Variants in ZNF804B observed in about 807,000 individuals in gnomAD.
ZNF804B encodes zinc finger 804B.
A neutral mutation model predicts 101.4 loss-of-function variants in ZNF804B; 80 were observed. The observed-to-expected ratio is 0.79, with a 90% CI of 0.66 to 0.95. The LOEUF is 0.95. ZNF804B is among the 40% of genes least tolerant of loss of function. The pLI is 0.00. For synonymous variants in ZNF804B, 622 were observed against 558.8 expected (o/e 1.11, Z -1.59); for missense variants, 1,673 against 1,561.9 (o/e 1.07, Z -1.20).
At chr7:88,973,687 A>G (rs894404020) in intron 1 of ZNF804B, among the ~76,000 whole-genome samples, 6 of 151,288 alleles carry the variant, frequency 4.0e-5, no homozygotes, top group Non-Finnish European at 8.9e-5. Flanking sequence ...ATCTTGGGAG[A>G]AAAGGTGTAT....
At chr7:89,276,363 A>C (rs1356658821) in intron 2 of ZNF804B, among the ~76,000 whole-genome samples, 1 of 151,696 alleles carries the variant, frequency 6.6e-6, no homozygotes, top group Non-Finnish European at 1.5e-5. Flanking sequence ...TAGGTAAAAG[A>C]CCCCTTGGAT....
chr7:88,897,197 A>G (rs1014714743), intron 1 of ZNF804B, among the ~76,000 whole-genome samples: 1 of 152,164 alleles, frequency 6.6e-6, no homozygotes, highest in Non-Finnish European at 1.5e-5. Flanking sequence ...TAAGTTAAGG[A>G]TCTTAAAATG....
intron 2 of ZNF804B, among the ~76,000 whole-genome samples, chr7:89,222,429 A>G (rs1584065994): frequency 6.6e-6 from 1 of 151,942 alleles, no homozygotes; most frequent in Non-Finnish European, 1.5e-5. Context: ...ATGACCAGAT[A>G]AGTCTTTTCA....
intron 1 of ZNF804B, among the ~76,000 whole-genome samples, chr7:88,815,150 G>C (rs982145189): frequency 6.8e-6 from 1 of 146,938 alleles, no homozygotes; most frequent in East Asian, 2.0e-4. Context: ...TACAATAAAA[G>C]AATATTCTAA....
intron 1 of ZNF804B, among the ~76,000 whole-genome samples, chr7:89,072,571 CTCTTT>C (rs1381250888): frequency 5.3e-5 from 8 of 152,050 alleles, no homozygotes; most frequent in African/African-American, 1.9e-4. Flanking sequence ...ATCATGTACT[CTCTTT>C]TGGAGTATAT....
chr7:88,792,050 C>T (rs1790389957), intron 1 of ZNF804B, among the ~76,000 whole-genome samples: 1 of 152,068 alleles, frequency 6.6e-6, no homozygotes, highest in African/African-American at 2.4e-5. Flanking sequence ...TCTGAAATTG[C>T]TGGATTGCTC....
intron 2 of ZNF804B, among the ~76,000 whole-genome samples, chr7:89,237,455 G>A (rs1789301744): frequency 6.6e-6 from 1 of 152,144 alleles, no homozygotes; most frequent in Admixed American, 6.6e-5. Flanking sequence ...ACTTGAAAAT[G>A]TTGATGTGAT....
intron 1 of ZNF804B, among the ~76,000 whole-genome samples, chr7:88,965,878 A>G (rs956372756): frequency 3.3e-5 from 5 of 151,664 alleles, no homozygotes; most frequent in Admixed American, 3.3e-4. Context: ...GTCTTTAAAA[A>G]GTGCATAATC....
In ZNF804B at chr7:89,334,711, A is replaced by G; in HGVS notation, c.1729A>G (p.Asn577Asp). The G allele has an allele frequency of 6.2e-7, 1 of 1,613,746 alleles. No individual in the cohort carries two copies. The highest frequency in any genetic ancestry group is 8.5e-7 in the Non-Finnish European group (1 of 1,179,826). Reference sequence around the variant, plus strand: ...CAGTGCAAATGATTTGGAAATGAAAAATCCTAAAGTGCCTCTTTACCTCAA... The same window carrying G: ...CAGTGCAAATGATTTGGAAATGAAAGATCCTAAAGTGCCTCTTTACCTCAA... ...TFSANDLEMK[N>D]PKVPLYLNTS... The change falls in exon 4 of 4, where the codon AAT becomes GAT. Residue 577 changes from asparagine to aspartate, a missense_variant. By Grantham distance (23) the Asn-to-Asp change is conservative. Transcript: ENST00000333190.
chr7:88,866,029 T>C (rs1416107805), intron 1 of ZNF804B, among the ~76,000 whole-genome samples: 1 of 152,202 alleles, frequency 6.6e-6, no homozygotes, highest in Non-Finnish European at 1.5e-5. Context: ...GATTTTTGGT[T>C]CAATGTCTTG....
chr7:89,038,572 T>A (rs973155941), intron 1 of ZNF804B, among the ~76,000 whole-genome samples: 1 of 152,156 alleles, frequency 6.6e-6, no homozygotes, highest in Non-Finnish European at 1.5e-5. Flanking sequence ...TAACTCCTTA[T>A]CAGATATATG....
chr7:89,153,273 A>C (rs868137589), intron 1 of ZNF804B, among the ~76,000 whole-genome samples: 45 of 151,818 alleles, frequency 3.0e-4, no homozygotes, highest in African/African-American at 9.9e-4. Flanking sequence ...AGGAAAGAAG[A>C]AGAAGCTATC....
At chr7:88,923,201 T>G (rs542003336) in intron 1 of ZNF804B, among the ~76,000 whole-genome samples, 1 of 152,012 alleles carries the variant, frequency 6.6e-6, no homozygotes, top group Non-Finnish European at 1.5e-5. Flanking sequence ...AGAGAGTGAG[T>G]GTTCCTTACT....
chr7:88,850,023 C>T (rs113796050), intron 1 of ZNF804B, among the ~76,000 whole-genome samples: 3,389 of 151,824 alleles, frequency 0.022, 134 homozygotes, highest in African/African-American at 0.077. Context: ...AAGCCCAGGA[C>T]GGATTAAATG....
intron 1 of ZNF804B, among the ~76,000 whole-genome samples, chr7:89,048,172 C>T (rs1392040470): frequency 2.7e-5 from 4 of 150,026 alleles, no homozygotes; most frequent in Non-Finnish European, 4.4e-5. Flanking sequence ...GCTTAGCCCC[C>T]GCTTATTAGT....
chr7:89,307,254 T>C (rs1790579629), intron 2 of ZNF804B, among the ~76,000 whole-genome samples: 1 of 151,956 alleles, frequency 6.6e-6, no homozygotes, highest in Admixed American at 6.6e-5. Context: ...TTTGAAGATA[T>C]AAAGCACACA....
chr7:89,224,004 A>C (rs2115719136), intron 2 of ZNF804B, among the ~76,000 whole-genome samples: 1 of 152,120 alleles, frequency 6.6e-6, no homozygotes, highest in South Asian at 2.1e-4. Context: ...ATTCCTTGTG[A>C]GACTACCTAG....
At chr7:89,298,391 C>A (rs1790425353) in intron 2 of ZNF804B, among the ~76,000 whole-genome samples, 1 of 149,784 alleles carries the variant, frequency 6.7e-6, no homozygotes, top group Admixed American at 6.7e-5. Flanking sequence ...CCTCCCCTAG[C>A]CCCCACCCCA....
At chr7:89,232,769 G>A (rs544330817) in intron 2 of ZNF804B, among the ~76,000 whole-genome samples, 1 of 151,988 alleles carries the variant, frequency 6.6e-6, no homozygotes, top group African/African-American at 2.4e-5. Context: ...TTCTCAGTAA[G>A]TCTAGCTAAA....
Sources: allele counts gnomAD v4.1 joint callset (sites outside exome capture counted in the v4.1 genomes callset), GRCh38; gene constraint gnomAD v4.1.1; transcripts MANE v1.5; gene names NCBI Gene and HGNC (gene_info 2026-07-23, HGNC 2026-07-21).